RBM39: variants seen among roughly 807,000 people sequenced by gnomAD.
The protein encoded by RBM39 is RNA binding motif protein 39, also known as RNA-binding protein 39.
A neutral mutation model predicts 79.6 loss-of-function variants in RBM39; 12 were observed. The ratio of observed to expected loss-of-function variants is 0.15; its 90% CI spans 0.10 to 0.24. The LOEUF (loss-of-function observed/expected upper bound fraction) is 0.24, where lower values mean the gene tolerates loss of function less well. Among genes scored for constraint, RBM39 ranks in the 10% least tolerant of loss-of-function variants. RBM39 has a pLI of 1.00. For synonymous variants in RBM39, 185 were observed against 208.4 expected, an observed-to-expected ratio of 0.89 and a Z score of 0.97; for missense variants, 243 against 653.4, an observed-to-expected ratio of 0.37 and a Z score of 6.85.
chr20:35,721,721 T>C lies in RBM39; in HGVS notation c.825+19A>G, dbSNP rs2425099. 60,414 of 1,611,254 alleles carry C rather than the reference T, an allele frequency of 0.037. 1,965 individuals are homozygous for C. The highest frequency in any genetic ancestry group is 0.17 in the African/African-American group (12,542 of 74,814). The stretch of plus-strand genomic sequence containing the variant: ...AGATCAACAACCTACTGAAGATTCA[T>C]TGAAGAACCTGGACTTACTCTTCCA... On this transcript the variant is annotated intron_variant, in intron 9 of 16. Transcript: ENST00000253363.
chr20:35,739,268 T>TA (rs1461852553), intron 2 of RBM39: 2 of 507,668 alleles, frequency 3.9e-6, no homozygotes, highest in Non-Finnish European at 7.2e-6. Flanking sequence ...TTTACTTTCT[T>TA]ATATAGTTTA....
At position 35,734,161 on chromosome 20, in the gene RBM39, G is replaced by A. The variant is rs1036395855; in HGVS notation, c.102-2026C>T. 6 of 1,274,382 alleles carry A rather than the reference G, an allele frequency of 4.7e-6. No individual in the cohort carries two copies. In the African/African-American group the frequency reaches 7.7e-5, roughly 16 times the overall value. 78.9% of individuals were successfully genotyped at this position (1,274,382 alleles called of 1,614,324 possible). On this transcript the variant is annotated intron_variant, in intron 3 of 16. Transcript: ENST00000253363. ...AAGCAGGTCATCTTTAGAGTGCATT[G>A]AAAATAGAAAATGAAGACACCCACC...
intron 3 of RBM39, chr20:35,734,861 G>A (rs2039740562): frequency 2.0e-6 from 3 of 1,469,596 alleles, no homozygotes; most frequent in East Asian, 4.9e-5. Flanking sequence ...AAGGGTTATC[G>A]AAATCCACAC....
At chr20:35,726,257 G>A (rs555817387) in intron 6 of RBM39, among the ~76,000 whole-genome samples, 16 of 151,950 alleles carry the variant, frequency 1.1e-4, no homozygotes, top group Non-Finnish European at 1.9e-4. Context: ...TCAGCCTCCC[G>A]AGTAGCTGGG....
intron 3 of RBM39, 48 bp downstream of exon 3, chr20:35,738,920 C>T: frequency 1.3e-6 from 2 of 1,528,686 alleles, no homozygotes; most frequent in South Asian, 1.1e-5. Flanking sequence ...AGGTCTAAAA[C>T]CACAAAAAAG....
chr20:35,721,493 T>G (rs2037933751), intron 9 of RBM39, among the ~76,000 whole-genome samples: 1 of 152,218 alleles, frequency 6.6e-6, no homozygotes, highest in Non-Finnish European at 1.5e-5. Flanking sequence ...CCAGCCAATG[T>G]GGACTTTTTA....
chr20:35,732,399 T>C (rs1204820469), intron 3 of RBM39: 3 of 435,642 alleles, frequency 6.9e-6, no homozygotes, highest in African/African-American at 4.0e-5. Flanking sequence ...CTAATAAAAA[T>C]ACAAAAATTA....
At chr20:35,736,106 G>T (rs1253304930) in intron 3 of RBM39, among the ~76,000 whole-genome samples, 3 of 79,994 alleles carry the variant, frequency 3.8e-5, no homozygotes, top group East Asian at 4.5e-4. Flanking sequence ...TAGCCACTCG[G>T]CCTGACACCT....
At chr20:35,726,616 A>C (rs1485740953) in intron 6 of RBM39, among the ~76,000 whole-genome samples, 1 of 152,238 alleles carries the variant, frequency 6.6e-6, no homozygotes, top group African/African-American at 2.4e-5. Flanking sequence ...ACAAATGGCA[A>C]ACTTGAAGTG....
At chr20:35,715,104 T>G (rs2036942738) in intron 10 of RBM39, among the ~76,000 whole-genome samples, 1 of 152,194 alleles carries the variant, frequency 6.6e-6, no homozygotes, top group Admixed American at 6.5e-5. Context: ...AGATATAAGC[T>G]AACAATTTTA....
intron 11 of RBM39, 103 bp from the exon 12 acceptor site, chr20:35,713,199 G>A (rs1233390506): frequency 3.0e-6 from 3 of 986,368 alleles, no homozygotes; most frequent in Non-Finnish European, 4.5e-6. Context: ...AAATTGCAAG[G>A]AGGGCCGAGT....
chr20:35,713,694 A>C (rs1028923722), intron 11 of RBM39: 3 of 147,346 alleles, frequency 2.0e-5, no homozygotes, highest in Non-Finnish European at 4.5e-5. Flanking sequence ...AAAAAAAAAA[A>C]AAACCACCAC....
chr20:35,723,592 C>A (rs2038269747), intron 8 of RBM39, among the ~76,000 whole-genome samples: 2 of 152,178 alleles, frequency 1.3e-5, no homozygotes, highest in Non-Finnish European at 2.9e-5. Context: ...GTGCCTGACA[C>A]CATGCCCAGC....
rs1269262265 is a variant in RBM39 at position 35,714,162 on chromosome 20, T to C, written c.1096+23A>G. On this transcript the variant is annotated intron_variant, in intron 11 of 16. Transcript: ENST00000253363. ...CACTACAATACCCACAGTAAATCAT[T>C]CGTAATAGCAAGAAACACTTACCCT... 5 of 1,605,452 alleles carry C rather than the reference T, an allele frequency of 3.1e-6. No individual in the cohort carries two copies. In the African/African-American group the frequency reaches 5.4e-5, roughly 17 times the overall value.
chr20:35,740,800 C>A (rs1343263960), intron 2 of RBM39, 24 bp downstream of exon 2: 1 of 1,597,206 alleles, frequency 6.3e-7, no homozygotes, highest in Non-Finnish European at 8.6e-7. Flanking sequence ...AATATATAAA[C>A]CTCACCGACA....
chr20:35,724,546 ACT>A, intron 8 of RBM39, 22 bp downstream of exon 8: 5 of 1,610,550 alleles, frequency 3.1e-6, no homozygotes, highest in Non-Finnish European at 3.4e-6. Context: ...CAATAATCAA[ACT>A]CTTAACCAAC....
chr20:35,716,913 A>T, intron 9 of RBM39, 108 bp from the exon 10 acceptor site: 4 of 679,922 alleles, frequency 5.9e-6, no homozygotes, highest in Non-Finnish European at 7.6e-6. Flanking sequence ...CCTCCAAAAT[A>T]GAAGACTTAT....
intron 12 of RBM39, 129 bp from the exon 13 acceptor site, chr20:35,709,403 T>A: frequency 1.4e-6 from 1 of 708,446 alleles, no homozygotes; most frequent in Non-Finnish European, 2.3e-6. Context: ...CAGCAAAACC[T>A]CCTTCCCCAT....
intron 10 of RBM39, 53 bp from the exon 11 acceptor site, chr20:35,714,442 C>T: frequency 1.3e-6 from 2 of 1,509,644 alleles, no homozygotes; most frequent in Admixed American, 2.3e-5. Context: ...TTTTAAAATA[C>T]AAACTATACT....
Sources: gnomAD v4.1 joint callset for allele counts (sites outside exome capture counted in the v4.1 genomes callset) on GRCh38, gnomAD v4.1.1 for gene constraint, MANE v1.5 for transcripts, NCBI Gene and HGNC (gene_info 2026-07-23, HGNC 2026-07-21) for gene names.